Variants in COL4A1 observed in about 807,000 individuals in gnomAD.
The protein encoded by COL4A1 is collagen type IV alpha 1 chain.
In COL4A1, 40 loss-of-function variants were observed where a neutral mutation model predicts 216.6. The ratio of observed to expected loss-of-function variants is 0.18; its 90% CI spans 0.14 to 0.24. The LOEUF (loss-of-function observed/expected upper bound fraction) is 0.24. Among genes scored for constraint, COL4A1 ranks in the 10% least tolerant of loss-of-function variants. The pLI is 1.00. For synonymous variants in COL4A1, 839 were observed against 810.7 expected, an observed-to-expected ratio of 1.03 and a Z score of -0.59; for missense variants, 1,628 against 2,196.8, an observed-to-expected ratio of 0.74 and a Z score of 5.18.
chr13:110,208,981 T>C (rs911258939), intron 11 of COL4A1, 91 bp from the exon 12 acceptor site: 2 of 1,307,748 alleles, frequency 1.5e-6, no homozygotes, highest in South Asian at 1.2e-5. Context: ...AATAAGATGG[T>C]AGATTTCAGG....
Position 110,186,343 on chromosome 13 carries a change from G to C in COL4A1, c.1897+42C>G, listed in dbSNP as rs754885980. Reference sequence around the variant, plus strand: ...ACCCGAGGTGCCTGCCCTAACCTCCGTTTACAACTTCATGCTGCATCACGA... The same window carrying C: ...ACCCGAGGTGCCTGCCCTAACCTCCCTTTACAACTTCATGCTGCATCACGA... On this transcript the variant is annotated intron_variant, in intron 26 of 51. Coordinates refer to ENST00000375820, the MANE Select transcript of COL4A1 (RefSeq NM_001845.6). 8 of 1,610,870 alleles carry C rather than the reference G, an allele frequency of 5.0e-6. No homozygotes were observed. The Admixed American group carries it at 8.3e-5, about 17-fold the overall frequency.
chr13:110,178,363 C>A (rs1275206371), intron 31 of COL4A1, 132 bp from the exon 32 acceptor site: 1 of 1,085,524 alleles, frequency 9.2e-7, no homozygotes, highest in Non-Finnish European at 1.4e-6. Flanking sequence ...TTGAATGGAT[C>A]ATCTGTTAGG....
Position 110,192,834 on chromosome 13 carries a change from T to C in COL4A1, c.1461A>G (p.Glu487=), listed in dbSNP as rs1878700909. 5 of 1,613,732 alleles carry C rather than the reference T, an allele frequency of 3.1e-6. No individual in the cohort carries two copies. Among genetic ancestry groups the C allele is most frequent in the Admixed American group, 3.3e-5 (2 of 59,998 alleles). ...GPPGPQGPPG[E]IGFPGQPGAK... ...CTTTTCACATGTGGGTCTTACCTAT[T>C]TCTCCCGGGGGTCCCTGTGGCCCGG... Residue 487 remains glutamate (E), a synonymous_variant, in exon 23 of 52, where the codon GAA becomes GAG. Transcript: ENST00000375820.
chr13:110,209,610 A>T (rs533061829), intron 10 of COL4A1, among the ~76,000 whole-genome samples, 183 bp from the exon 11 acceptor site: 1 of 152,148 alleles, frequency 6.6e-6, no homozygotes, highest in East Asian at 1.9e-4. Context: ...GTGTGACCAT[A>T]CCAATACCAA....
chr13:110,249,132 C>T (rs965306114), intron 1 of COL4A1, among the ~76,000 whole-genome samples: 1 of 152,124 alleles, frequency 6.6e-6, no homozygotes, highest in African/African-American at 2.4e-5. Context: ...AATTCAAGAA[C>T]GGAGGCATCT....
chr13:110,290,599 C>A (rs1224513379), intron 1 of COL4A1, among the ~76,000 whole-genome samples: 1 of 152,194 alleles, frequency 6.6e-6, no homozygotes, highest in Non-Finnish European at 1.5e-5. Flanking sequence ...AATCTCTGGG[C>A]ACTCACCCTG....
intron 43 of COL4A1, among the ~76,000 whole-genome samples, chr13:110,168,846 A>G (rs866207317): frequency 2.0e-5 from 3 of 152,252 alleles, no homozygotes; most frequent in Non-Finnish European, 4.4e-5. Context: ...ACAGAGAGAC[A>G]GACAGATGGA....
At chr13:110,256,743 G>T (rs1457035921) in intron 1 of COL4A1, among the ~76,000 whole-genome samples, 1 of 143,532 alleles carries the variant, frequency 7.0e-6, no homozygotes, top group Non-Finnish European at 1.6e-5. Context: ...CAGACCGGCG[G>T]CGGGGGGGTC....
intron 2 of COL4A1, among the ~76,000 whole-genome samples, chr13:110,219,615 G>A (rs1880271761): frequency 6.8e-6 from 1 of 146,130 alleles, no homozygotes; most frequent in Non-Finnish European, 1.5e-5. Context: ...CTTATGATGG[G>A]GTATGTCCCA....
At chr13:110,219,870 G>GTATA (rs112601949) in intron 2 of COL4A1, among the ~76,000 whole-genome samples, 1 of 103,510 alleles carries the variant, frequency 9.7e-6, no homozygotes, top group African/African-American at 3.6e-5. Flanking sequence ...ATATGTGTGT[G>GTATA]TATATATGTA....
At chr13:110,215,560 C>CAA (rs869160688) in intron 2 of COL4A1, among the ~76,000 whole-genome samples, 47 of 65,584 alleles carry the variant, frequency 7.2e-4, no homozygotes, top group African/African-American at 1.6e-3. Context: ...GACTCTGTCT[C>CAA]AAAAAAAAAA....
At chr13:110,214,603 C>T (rs1272908537) in intron 2 of COL4A1, among the ~76,000 whole-genome samples, 1 of 152,080 alleles carries the variant, frequency 6.6e-6, no homozygotes, top group Non-Finnish European at 1.5e-5. Flanking sequence ...GAAGAGAGGC[C>T]AATTCTCTCT....
At chr13:110,239,886 G>A (rs950094524) in intron 2 of COL4A1, among the ~76,000 whole-genome samples, 5 of 152,152 alleles carry the variant, frequency 3.3e-5, no homozygotes, top group African/African-American at 4.8e-5. Flanking sequence ...TCATTAAATT[G>A]ATTATTTTAA....
chr13:110,170,463 G>T (rs1472655944), intron 42 of COL4A1, 84 bp downstream of exon 42: 10 of 1,431,668 alleles, frequency 7.0e-6, no homozygotes, highest in Non-Finnish European at 9.5e-6. Flanking sequence ...GCCCAATTGA[G>T]AATTTAACTA....
rs386774673 is a variant in COL4A1 at position 110,165,036 on chromosome 13, TGGGGC to T, written c.4022-51_4022-47del. On this transcript the variant is annotated intron_variant, in intron 45 of 51. Transcript: ENST00000375820. Reference sequence around the variant, plus strand: ...TTGATCAATTTCACTGTCCACATACTGGGGCGGAAACAACTTTAGAAGGAGAATCC... The same window carrying T: ...TTGATCAATTTCACTGTCCACATACTGGAAACAACTTTAGAAGGAGAATCC... 3,657 of 1,585,616 alleles carry T rather than the reference TGGGGC, an allele frequency of 2.3e-3. 70 individuals carry two copies. In the African/African-American group the frequency reaches 0.043, roughly 19 times the overall value.
chr13:110,212,045 T>A (rs1367684881), intron 6 of COL4A1, 123 bp from the exon 7 acceptor site: 4 of 1,072,666 alleles, frequency 3.7e-6, no homozygotes, highest in Non-Finnish European at 5.8e-6. Context: ...CTAAAAACAG[T>A]TTGTCACAAG....
chr13:110,242,703 C>T lies in COL4A1; in HGVS notation c.116G>A (p.Cys39Tyr). 1 of 1,614,248 alleles carries T rather than the reference C, an allele frequency of 6.2e-7. No individual in the cohort carries two copies. The highest frequency in any genetic ancestry group is 8.5e-7 in the Non-Finnish European group (1 of 1,180,044). The change falls in exon 2 of 52, where the codon TGT becomes TAT. Residue 39 changes from cysteine (C) to tyrosine (Y), a missense_variant. Around this residue, in one of 8 missense-constraint regions of COL4A1, gnomAD observed 74 missense variants for 61.7 expected, o/e 1.20. Coordinates refer to ENST00000375820, the MANE Select transcript of COL4A1 (RefSeq NM_001845.6). ...TTGTCCCTTCACTCCATGGCAGTCA[C>T]ATTTGCCACAGCCAGAGCCAGCACA... ...GGCAGSGCGK[C>Y]DCHGVKGQKG...
intron 46 of COL4A1, 27 bp downstream of exon 46, chr13:110,164,835 C>A (rs773198493): frequency 2.5e-6 from 4 of 1,612,250 alleles, no homozygotes; most frequent in African/African-American, 1.3e-5. Context: ...CTCCCCATAC[C>A]GCCCTGCACA....
At chr13:110,158,759 T>TTTTTG (rs1491423847) in intron 49 of COL4A1, among the ~76,000 whole-genome samples, 1 of 110,714 alleles carries the variant, frequency 9.0e-6, no homozygotes, top group Non-Finnish European at 2.0e-5. Flanking sequence ...TTTTTTTTTT[T>TTTTTG]GAGACAGAGT....
Sources: gnomAD v4.1 joint callset for allele counts (sites outside exome capture counted in the v4.1 genomes callset) on GRCh38, gnomAD v4.1.1 for gene constraint, gnomAD v4.1.1 regional missense constraint, MANE v1.5 for transcripts, NCBI Gene and HGNC (gene_info 2026-07-23, HGNC 2026-07-21) for gene names.